Variants in UBLCP1 observed in about 807,000 individuals in gnomAD.
The protein encoded by UBLCP1 is ubiquitin like domain containing CTD phosphatase 1, also known as ubiquitin-like domain-containing CTD phosphatase 1.
UBLCP1 carries 28 observed loss-of-function variants against 42.4 expected under a neutral mutation model. That is an observed-to-expected ratio of 0.66 (90% CI 0.49 to 0.90). The LOEUF is 0.90. UBLCP1 is among the 40% of genes least tolerant of loss of function. The pLI is 0.00. For synonymous variants in UBLCP1, 122 were observed against 120.8 expected, an observed-to-expected ratio of 1.01 and a Z score of -0.07; for missense variants, 279 against 374.5, an observed-to-expected ratio of 0.75 and a Z score of 2.10.
rs1210371580 is a variant in UBLCP1, at chr5:159,285,667, G to C, written c.*736G>C. ...AAGGAACAAGAATGAGTCTCTTTTTGGTGGCTAAGTAGAATCTTCCTAAAA... is the reference window on the plus strand; with the variant it reads ...AAGGAACAAGAATGAGTCTCTTTTTCGTGGCTAAGTAGAATCTTCCTAAAA... On this transcript the variant is annotated 3_prime_UTR_variant, in exon 11 of 11. Coordinates refer to ENST00000296786, the MANE Select transcript of UBLCP1 (RefSeq NM_145049.5). 6.6e-6 allele frequency: 1 copy of C among 152,184 alleles called. No individual in the cohort carries two copies. The highest frequency in any genetic ancestry group is 1.5e-5 in the Non-Finnish European group (1 of 67,988). 9.4% of individuals were successfully genotyped at this position (152,184 alleles called of 1,614,324 possible).
chr5:159,267,306 G>A (rs535844401), intron 1 of UBLCP1, among the ~76,000 whole-genome samples: 36 of 152,270 alleles, frequency 2.4e-4, no homozygotes, highest in East Asian at 7.7e-4. Flanking sequence ...TGACTGCCCC[G>A]CTGGATTTCG....
chr5:159,278,170 T>C, intron 8 of UBLCP1, 68 bp from the exon 9 acceptor site: 1 of 1,111,210 alleles, frequency 9.0e-7, no homozygotes, highest in Non-Finnish European at 1.4e-6. Context: ...CAGTTTGCAG[T>C]ATTCCTGCTT....
intron 9 of UBLCP1, among the ~76,000 whole-genome samples, chr5:159,281,581 G>A (rs528950110): frequency 6.6e-6 from 1 of 152,218 alleles, no homozygotes; most frequent in Non-Finnish European, 1.5e-5. Flanking sequence ...CCTTCAAGCA[G>A]TATGGGAGCC....
intron 6 of UBLCP1, among the ~76,000 whole-genome samples, chr5:159,272,526 T>G (rs1339302505): frequency 6.6e-6 from 1 of 152,210 alleles, no homozygotes; most frequent in Non-Finnish European, 1.5e-5. Context: ...AGTGCTGGAT[T>G]ACAGGCATAA....
At chr5:159,275,477 A>T (rs1025601646) in intron 8 of UBLCP1, 1 of 282,262 alleles carries the variant, frequency 3.5e-6, no homozygotes, top group Non-Finnish European at 6.3e-6. Flanking sequence ...CAGTGGTGCA[A>T]TCTCGCTCAC....
intron 6 of UBLCP1, among the ~76,000 whole-genome samples, chr5:159,273,745 G>A (rs1275956996): frequency 1.3e-5 from 2 of 151,876 alleles, no homozygotes; most frequent in Admixed American, 6.6e-5. Context: ...AGTTTTGTAC[G>A]TGTAAGGTGA....
intron 5 of UBLCP1, among the ~76,000 whole-genome samples, 196 bp from the exon 6 acceptor site, chr5:159,271,827 T>A (rs189050880): frequency 6.6e-6 from 1 of 152,370 alleles, no homozygotes; most frequent in African/African-American, 2.4e-5. Flanking sequence ...ATTGATCGAC[T>A]AAAATTGGAT....
chr5:159,271,700 G>C (rs1216947949), intron 5 of UBLCP1, among the ~76,000 whole-genome samples: 1 of 152,068 alleles, frequency 6.6e-6, no homozygotes, highest in Non-Finnish European at 1.5e-5. Flanking sequence ...AGTGGACATA[G>C]TTTGTTTTTC....
intron 10 of UBLCP1, 116 bp from the exon 11 acceptor site, chr5:159,284,785 TAAG>T: frequency 9.9e-7 from 1 of 1,009,944 alleles, no homozygotes; most frequent in Non-Finnish European, 1.6e-6. Flanking sequence ...AAGTGACTAT[TAAG>T]AATACTCATC....
chr5:159,275,155 G>T lies in UBLCP1; in HGVS notation c.593G>T (p.Gly198Val). ...AAATATTTGTGTTTATAGGAGCTGG[G>T]AGTGAGCACAAATGCAAATTATAAG... ...KWIEAKMKEL[G>V]VSTNANYKIT... The change falls in exon 8 of 11, where the codon GGA becomes GTA. Residue 198 changes from glycine to valine, a missense_variant. Physicochemically the swap from Gly to Val is moderately radical, Grantham distance 109 (BLOSUM62 -3). Transcript: ENST00000296786. 6.2e-7 allele frequency: 1 copy of T among 1,612,884 alleles called. No homozygotes were observed. The highest frequency in any genetic ancestry group is 1.1e-5 in the South Asian group (1 of 91,050).
At chr5:159,268,815 T>A in intron 1 of UBLCP1, 55 bp from the exon 2 acceptor site, 1 of 1,304,398 alleles carries the variant, frequency 7.7e-7, no homozygotes. Flanking sequence ...CTTAAAAGTT[T>A]GGCTTCAATA....
chr5:159,284,874 G>C, intron 10 of UBLCP1, 30 bp from the exon 11 acceptor site: 1 of 1,611,912 alleles, frequency 6.2e-7, no homozygotes, highest in East Asian at 2.2e-5. Flanking sequence ...GCATGATACA[G>C]CTTTGACATC....
chr5:159,268,781 A>T, intron 1 of UBLCP1, 89 bp from the exon 2 acceptor site: 1 of 939,792 alleles, frequency 1.1e-6, no homozygotes, highest in Non-Finnish European at 1.5e-6. Context: ...GTTGTAAAAT[A>T]AGGCTTAAAC....
intron 5 of UBLCP1, among the ~76,000 whole-genome samples, chr5:159,271,662 G>A (rs1255341548): frequency 6.6e-6 from 1 of 152,126 alleles, no homozygotes; most frequent in Admixed American, 6.5e-5. Flanking sequence ...GATTATATCT[G>A]CAAGGTAGAT....
intron 10 of UBLCP1, among the ~76,000 whole-genome samples, chr5:159,284,578 A>G (rs1297763714): frequency 2.0e-5 from 3 of 152,162 alleles, no homozygotes; most frequent in Non-Finnish European, 4.4e-5. Flanking sequence ...GTGGTAGTCA[A>G]TGAGTATGAC....
In UBLCP1 at chr5:159,275,601, C is replaced by T. The variant is rs184603373; in HGVS notation, c.684+355C>T. ...AATTTTTTCGTATTTTCAGTAGAGA[C>T]GGAGTTTCACTGTTGTTAGCCAGGA... On this transcript the variant is annotated intron_variant, in intron 8 of 10. Coordinates refer to ENST00000296786, the MANE Select transcript of UBLCP1 (RefSeq NM_145049.5). Among the ~76,000 whole-genome samples the T allele has an allele frequency of 2.6e-5, 4 of 151,982 alleles. No individual in the cohort carries two copies. The East Asian group carries it at 5.8e-4, about 22-fold the overall frequency.
chr5:159,283,372 A>C (rs1027556077), intron 10 of UBLCP1, 33 bp downstream of exon 10: 1 of 1,508,528 alleles, frequency 6.6e-7, no homozygotes, highest in Admixed American at 2.2e-5. Flanking sequence ...TTTTCTCTTT[A>C]CATCAATGAA....
rs950577339 is a variant in UBLCP1 at position 159,285,939 on chromosome 5, G to A, written c.*1008G>A. On this transcript the variant is annotated 3_prime_UTR_variant, in exon 11 of 11. Coordinates refer to ENST00000296786, the MANE Select transcript of UBLCP1 (RefSeq NM_145049.5). The stretch of plus-strand genomic sequence containing the variant: ...GACAATATTGCTTTATACAGTTCTT[G>A]TATTTGAAAGGAATTGATCCTTTTA... The A allele has an allele frequency of 6.5e-6, 1 of 152,678 alleles. No homozygotes were observed. Among genetic ancestry groups the A allele is most frequent in the Admixed American group, 6.5e-5 (1 of 15,276 alleles). 9.5% of individuals were successfully genotyped at this position (152,678 alleles called of 1,614,324 possible). A position where few individuals can be genotyped will look rare whatever the true frequency, so the allele number is the denominator to read the frequency against.
chr5:159,275,801 C>T (rs1449497072), intron 8 of UBLCP1, among the ~76,000 whole-genome samples: 1 of 152,086 alleles, frequency 6.6e-6, no homozygotes, highest in East Asian at 1.9e-4. Context: ...GGTAATTGAC[C>T]TGTGTTGATG....
Sources: gnomAD v4.1 joint callset for allele counts (sites outside exome capture counted in the v4.1 genomes callset) on GRCh38, gnomAD v4.1.1 for gene constraint, MANE v1.5 for transcripts, NCBI Gene and HGNC (gene_info 2026-07-23, HGNC 2026-07-21) for gene names.